The following PCDHA11 variants were observed in gnomAD, a reference collection of about 807,000 sequenced individuals.
PCDHA11 encodes protocadherin alpha-11.
Under a neutral mutation model 70.3 loss-of-function variants are expected in PCDHA11, and 61 were observed. That is an observed-to-expected ratio of 0.87 (90% CI 0.71 to 1.07). The LOEUF (loss-of-function observed/expected upper bound fraction) is 1.07. Among genes scored for constraint, PCDHA11 ranks in the 50% least tolerant of loss-of-function variants. The probability of loss-of-function intolerance (pLI) is 0.00; values close to 1 mark genes in which losing one functional copy is unlikely to be tolerated. For synonymous variants in PCDHA11, 633 were observed against 555.1 expected, an observed-to-expected ratio of 1.14 and a Z score of -1.97; for missense variants, 1,324 against 1,237.5, an observed-to-expected ratio of 1.07 and a Z score of -1.05.
At position 140,911,726 on chromosome 5, in the gene PCDHA11, G is replaced by GTTCGTGCCAAGGAC. The variant is rs372287116; in HGVS notation, c.2391+40234_2391+40247dup. On this transcript the variant is annotated intron_variant, in intron 1 of 3. Transcript: ENST00000398640. ...TTTATTTTGTGTAACTCTGTAAACAGTTCGTGCCAAGGACTATCAGTGTTC... is the reference window on the plus strand; with the variant it reads ...TTTATTTTGTGTAACTCTGTAAACAGTTCGTGCCAAGGACTTCGTGCCAAGGACTATCAGTGTTC... Among the ~76,000 whole-genome samples, 876 of 152,272 alleles carry GTTCGTGCCAAGGAC rather than the reference G, an allele frequency of 5.8e-3. 6 individuals are homozygous for GTTCGTGCCAAGGAC. The highest frequency in any genetic ancestry group is 0.018 in the African/African-American group (761 of 41,552).
At chr5:140,914,583 A>C (rs1583912822) in intron 1 of PCDHA11, among the ~76,000 whole-genome samples, 1 of 151,992 alleles carries the variant, frequency 6.6e-6, no homozygotes, top group East Asian at 1.9e-4. Flanking sequence ...CAATAATTTC[A>C]TTTAAGTAGG....
In PCDHA11 at chr5:140,870,912, C is replaced by A; in HGVS notation, c.1809C>A (p.Asn603Lys). ...VRAVDADSGYNAWLSYELQPA... is the reference protein window; with the variant it reads ...VRAVDADSGYKAWLSYELQPA... ...CAGTGGATGCGGACTCAGGCTACAA[C>A]GCGTGGCTTTCATATGAATTGCAGC... Residue 603 changes from asparagine to lysine, a missense_variant, in exon 1 of 4, where the codon AAC becomes AAA. Coordinates refer to ENST00000398640, the MANE Select transcript of PCDHA11 (RefSeq NM_018902.5). 6.2e-7 allele frequency: 1 copy of A among 1,613,952 alleles called. No individual in the cohort carries two copies. Among genetic ancestry groups the A allele is most frequent in the South Asian group, 1.1e-5 (1 of 91,084 alleles).
At chr5:140,920,505 T>C (rs545028033) in intron 1 of PCDHA11, among the ~76,000 whole-genome samples, 1 of 152,344 alleles carries the variant, frequency 6.6e-6, no homozygotes, top group South Asian at 2.1e-4. Flanking sequence ...TTCTACATAC[T>C]GTTTTATGCA....
chr5:140,869,477 A>C lies in PCDHA11; in HGVS notation c.374A>C (p.Asp125Ala). 6.2e-7 allele frequency: 1 copy of C among 1,614,208 alleles called. No homozygotes were observed. The highest frequency in any genetic ancestry group is 1.1e-5 in the South Asian group (1 of 91,084). Residue 125 changes from aspartate (D) to alanine (A), a missense_variant, in exon 1 of 4, where the codon GAC (aspartate) becomes GCC (alanine). Asp to Ala is a moderately radical substitution (Grantham distance 126). Transcript: ENST00000398640. ...TTCCATGTGAACGTGGAGGTGAAGG[A>C]CATTAACGACAACCCGCCGGTGTTC... is the stretch of plus-strand genomic sequence containing the variant. ...QVFHVNVEVK[D>A]INDNPPVFSL...
chr5:140,941,214 C>CTTCTTTCTTTCTTT (rs1554214039), intron 1 of PCDHA11, among the ~76,000 whole-genome samples: 1 of 122,414 alleles, frequency 8.2e-6, no homozygotes. Flanking sequence ...TTTCTTTCTT[C>CTTCTTTCTTTCTTT]CTTTCTTTCT....
chr5:140,929,589 G>T lies in PCDHA11; in HGVS notation c.2392-49360G>T, dbSNP rs183312863. 667 of 427,178 alleles carry T rather than the reference G, an allele frequency of 1.6e-3. 2 individuals are homozygous for T. The highest frequency in any genetic ancestry group is 3.3e-3 in the Admixed American group (76 of 23,230). The allele number at this position is 427,178 out of a possible 1,614,324, so 26.5% of individuals were successfully genotyped here. A position where few individuals can be genotyped will look rare whatever the true frequency, so the allele number is the denominator to read the frequency against. On this transcript the variant is annotated intron_variant, in intron 1 of 3. Coordinates refer to ENST00000398640, the MANE Select transcript of PCDHA11 (RefSeq NM_018902.5). ...AACAATAAAAGTAATATGACATAAA[G>T]GTCTAAAATTAAAAATAAAATACCA...
Position 140,870,384 on chromosome 5 carries a change from G to A in PCDHA11, c.1281G>A (p.Arg427=). The A allele has an allele frequency of 6.2e-7, 1 of 1,614,230 alleles. No homozygotes were observed. Among genetic ancestry groups the A allele is most frequent in the African/African-American group, 1.3e-5 (1 of 75,070 alleles). The part of the protein sequence containing the change: ...VWAYELVVTA[R]DGGSPSLWAT... ...CCTATGAACTGGTGGTGACTGCGCG[G>A]GATGGGGGTTCGCCTTCTCTGTGGG... Residue 427 remains arginine, a synonymous_variant, in exon 1 of 4, where the codon CGG becomes CGA. Transcript: ENST00000398640.
rs190555934 is a variant in PCDHA11 at position 140,905,437 on chromosome 5, C to G, written c.2391+33943C>G. Among the ~76,000 whole-genome samples the G allele has an allele frequency of 2.8e-3, 421 of 152,248 alleles. 2 individuals carry two copies. The highest frequency in any genetic ancestry group is 0.014 in the Middle Eastern group (4 of 294). On this transcript the variant is annotated intron_variant, in intron 1 of 3. Coordinates refer to ENST00000398640, the MANE Select transcript of PCDHA11 (RefSeq NM_018902.5). ...TACCATGCTGGTTTGATAACTACAG[C>G]CTTTTAGTATAATTTAAAGTCAGGT...
intron 1 of PCDHA11, among the ~76,000 whole-genome samples, chr5:140,978,710 A>G (rs576055391): frequency 1.3e-5 from 2 of 152,378 alleles, no homozygotes; most frequent in East Asian, 3.9e-4. Flanking sequence ...GGTGGCCTTT[A>G]CAAGATTATT....
intron 3 of PCDHA11, among the ~76,000 whole-genome samples, chr5:141,002,433 A>G (rs2098079655): frequency 6.6e-6 from 1 of 152,258 alleles, no homozygotes; most frequent in East Asian, 1.9e-4. Context: ...ACAGGCAATA[A>G]CCATAATAAT....
chr5:140,891,820 G>A (rs1341896388), intron 1 of PCDHA11, among the ~76,000 whole-genome samples: 1 of 152,102 alleles, frequency 6.6e-6, no homozygotes, highest in African/African-American at 2.4e-5. Context: ...TAAATTAACG[G>A]CACTGTAAAA....
At chr5:140,923,495 C>T (rs1274980788) in intron 1 of PCDHA11, among the ~76,000 whole-genome samples, 2 of 152,060 alleles carry the variant, frequency 1.3e-5, no homozygotes, top group African/African-American at 4.8e-5. Context: ...CACCACTGCA[C>T]TCCAGCCTGG....
intron 3 of PCDHA11, among the ~76,000 whole-genome samples, chr5:140,985,892 A>G (rs2097176300): frequency 1.3e-5 from 2 of 151,830 alleles, no homozygotes; most frequent in Non-Finnish European, 2.9e-5. Flanking sequence ...GGCGCCCGCC[A>G]CCACTCCCGT....
chr5:140,875,731 A>C, intron 1 of PCDHA11: 14 of 1,614,150 alleles, frequency 8.7e-6, no homozygotes, highest in Non-Finnish European at 1.0e-5. Context: ...TTTGTTTGTG[A>C]ATTCTCGGAT....
At chr5:140,998,548 T>A (rs904925148) in intron 3 of PCDHA11, among the ~76,000 whole-genome samples, 7 of 149,880 alleles carry the variant, frequency 4.7e-5, no homozygotes, top group African/African-American at 1.7e-4. Context: ...CCTAATTTAA[T>A]GTCTAATTTA....
intron 1 of PCDHA11, among the ~76,000 whole-genome samples, chr5:140,892,783 T>C (rs1554185363): frequency 6.6e-6 from 1 of 152,168 alleles, no homozygotes; most frequent in African/African-American, 2.4e-5. Context: ...TTCTTGAAAA[T>C]ATGTAAGAAA....
At chr5:140,893,385 G>A (rs2063961874) in intron 1 of PCDHA11, among the ~76,000 whole-genome samples, 1 of 152,138 alleles carries the variant, frequency 6.6e-6, no homozygotes, top group South Asian at 2.1e-4. Flanking sequence ...TGGGACAGTG[G>A]CTCATGCCTG....
chr5:140,990,296 T>C (rs1231552034), intron 3 of PCDHA11, among the ~76,000 whole-genome samples: 12 of 152,300 alleles, frequency 7.9e-5, no homozygotes, highest in African/African-American at 2.9e-4. Flanking sequence ...ATCGATGCCA[T>C]TGTCTGTAAA....
intron 1 of PCDHA11, chr5:140,967,750 C>G (rs782284231): frequency 6.2e-7 from 1 of 1,614,190 alleles, no homozygotes; most frequent in South Asian, 1.1e-5. Flanking sequence ...ATGAGGAAGC[C>G]TCCTCCTACC....
Sources: allele counts gnomAD v4.1 joint callset (sites outside exome capture counted in the v4.1 genomes callset), GRCh38; gene constraint gnomAD v4.1.1; transcripts MANE v1.5; gene names NCBI Gene and HGNC (gene_info 2026-07-23, HGNC 2026-07-21).